Variants in POGLUT1 observed in about 807,000 individuals in gnomAD.
POGLUT1 encodes the protein protein O-glucosyltransferase 1.
In POGLUT1, 32 loss-of-function variants were observed where a neutral mutation model predicts 61.3. That is an observed-to-expected ratio of 0.52 (90% CI 0.39 to 0.70). The LOEUF (loss-of-function observed/expected upper bound fraction) is 0.70. Among genes scored for constraint, POGLUT1 ranks in the 30% least tolerant of loss-of-function variants. The probability of loss-of-function intolerance (pLI) is 0.00; values close to 1 mark genes in which losing one functional copy is unlikely to be tolerated. For missense variants in POGLUT1, 411 were observed against 469.8 expected (o/e 0.87, Z 1.16); for synonymous variants, 158 against 158.2 (o/e 1.00, Z 0.01).
chr3:119,486,161 G>A (rs193026761), intron 6 of POGLUT1, among the ~76,000 whole-genome samples: 7 of 152,284 alleles, frequency 4.6e-5, no homozygotes, highest in Admixed American at 4.6e-4. Context: ...AAATCTTGAA[G>A]TCACAAATTA....
intron 5 of POGLUT1, among the ~76,000 whole-genome samples, chr3:119,480,457 A>G (rs1202690147): frequency 6.6e-6 from 1 of 152,028 alleles, no homozygotes; most frequent in Non-Finnish European, 1.5e-5. Flanking sequence ...CATGTTGGTC[A>G]GGCTGGTCTT....
rs776542098 is a variant in POGLUT1, at chr3:119,485,377, C to T, written c.628C>T (p.Arg210Ter). The change falls in exon 6 of 11, where the codon CGA becomes TGA. Residue 210 changes from arginine (R) to a stop codon, truncating the protein, a stop_gained. Transcript: ENST00000295588. LOFTEE classifies it high-confidence loss of function. ...WKKKNSTAYF[R>*]GSRTSPERDP... The stretch of plus-strand genomic sequence containing the variant: ...AAAGAAAAACTCTACAGCATATTTC[C>T]GAGGATCAAGGTGAGTTATTTTCTG... 14 of 1,604,622 alleles carry T rather than the reference C, an allele frequency of 8.7e-6. No homozygotes were observed. The highest frequency in any genetic ancestry group is 1.7e-4 in the Middle Eastern group (1 of 6,040).
chr3:119,492,215 C>A, intron 10 of POGLUT1, 67 bp from the exon 11 acceptor site: 1 of 1,210,796 alleles, frequency 8.3e-7, no homozygotes, highest in Non-Finnish European at 1.2e-6. Context: ...GGTGAGCACT[C>A]AAATGCAGAC....
intron 4 of POGLUT1, among the ~76,000 whole-genome samples, chr3:119,478,655 C>T (rs1434949798): frequency 6.6e-6 from 1 of 152,102 alleles, no homozygotes; most frequent in Non-Finnish European, 1.5e-5. Context: ...TGTGCAGCTT[C>T]TATTGAATAG....
At chr3:119,472,985 C>T (rs866178223) in intron 3 of POGLUT1, among the ~76,000 whole-genome samples, 1 of 151,946 alleles carries the variant, frequency 6.6e-6, no homozygotes, top group African/African-American at 2.4e-5. Context: ...AAGCCTGAGC[C>T]GTGATTATGC....
chr3:119,486,780 A>G, intron 6 of POGLUT1, 53 bp from the exon 7 acceptor site: 2 of 1,224,696 alleles, frequency 1.6e-6, no homozygotes, highest in Non-Finnish European at 2.4e-6. Context: ...AGGGATTGGG[A>G]ACAGTTTTCT....
At chr3:119,492,057 A>AAAAAAAATAAAT (rs2081754591) in intron 10 of POGLUT1, among the ~76,000 whole-genome samples, 1 of 150,386 alleles carries the variant, frequency 6.6e-6, no homozygotes, top group African/African-American at 2.4e-5. Context: ...TCCGTCTCAA[A>AAAAAAAATAAAT]AAATAAATAA....
At chr3:119,476,297 G>C (rs942652264) in intron 3 of POGLUT1, among the ~76,000 whole-genome samples, 1 of 152,028 alleles carries the variant, frequency 6.6e-6, no homozygotes, top group Non-Finnish European at 1.5e-5. Flanking sequence ...CTGCACTATT[G>C]GACTTTTTGA....
At chr3:119,470,208 G>C (rs571199153) in intron 2 of POGLUT1, among the ~76,000 whole-genome samples, 1 of 152,138 alleles carries the variant, frequency 6.6e-6, no homozygotes, top group Admixed American at 6.5e-5. Context: ...GTGCGTGCTC[G>C]ATAAATATTG....
Position 119,471,388 on chromosome 3 carries a change from G to C in POGLUT1, c.256G>C (p.Gly86Arg), listed in dbSNP as rs1272985309. The part of the protein sequence containing the change: ...MMAEVVRRKL[G>R]THYQITKNRL... ...GGCAGAGGTAGTCAGACGGAAGCTA[G>C]GGACCCACTATCAGATCACTAAGAA... The change falls in exon 3 of 11, where the codon GGG becomes CGG. Residue 86 changes from glycine to arginine, a missense_variant. Gly to Arg is a moderately radical substitution (Grantham distance 125). Transcript: ENST00000295588. The C allele has an allele frequency of 1.2e-6, 2 of 1,614,030 alleles. No individual in the cohort carries two copies. Among genetic ancestry groups the C allele is most frequent in the South Asian group, 2.2e-5 (2 of 91,082 alleles).
At chr3:119,482,274 A>C (rs947939549) in intron 5 of POGLUT1, among the ~76,000 whole-genome samples, 2 of 152,210 alleles carry the variant, frequency 1.3e-5, no homozygotes, top group Non-Finnish European at 2.9e-5. Context: ...TATGCTCATA[A>C]AATTTTACAA....
intron 6 of POGLUT1, among the ~76,000 whole-genome samples, chr3:119,485,928 G>A (rs2081659160): frequency 6.6e-6 from 1 of 152,202 alleles, no homozygotes; most frequent in South Asian, 2.1e-4. Flanking sequence ...ATAGTCCCAA[G>A]GCCAAGAACA....
chr3:119,470,347 A>G (rs915727657), intron 2 of POGLUT1, among the ~76,000 whole-genome samples: 1 of 152,190 alleles, frequency 6.6e-6, no homozygotes, highest in African/African-American at 2.4e-5. Flanking sequence ...AGGCCAAGGC[A>G]GGTGGATCAC....
At chr3:119,484,372 G>A (rs2081641195) in intron 5 of POGLUT1, among the ~76,000 whole-genome samples, 1 of 152,146 alleles carries the variant, frequency 6.6e-6, no homozygotes, top group African/African-American at 2.4e-5. Context: ...CTTTTTCAGA[G>A]AAGATGCTGT....
intron 5 of POGLUT1, among the ~76,000 whole-genome samples, chr3:119,481,329 C>T (rs970652516): frequency 2.0e-5 from 3 of 152,154 alleles, no homozygotes; most frequent in African/African-American, 7.2e-5. Flanking sequence ...TTGTGTAGCT[C>T]ATCCAAGCTG....
intron 4 of POGLUT1, chr3:119,479,822 T>G: frequency 9.8e-7 from 1 of 1,019,356 alleles, no homozygotes; most frequent in Non-Finnish European, 1.4e-6. Flanking sequence ...CTGAAAAAGC[T>G]GACCTTTAAT....
chr3:119,480,740 T>C (rs868282178), intron 5 of POGLUT1, among the ~76,000 whole-genome samples: 3 of 146,738 alleles, frequency 2.0e-5, no homozygotes, highest in African/African-American at 7.4e-5. Flanking sequence ...AATTTTTCTT[T>C]CTTTTTTTTT....
In POGLUT1 at chr3:119,490,317, T is replaced by G. The variant is rs1577088268; in HGVS notation, c.798-234T>G. 19 of 521,996 alleles carry G rather than the reference T, an allele frequency of 3.6e-5. No individual in the cohort carries two copies. The South Asian group carries it at 3.7e-4, about 10-fold the overall frequency. 32.3% of individuals were successfully genotyped at this position (521,996 alleles called of 1,614,324 possible). ...TATCTAGTGCTGTCTGGAGAAAATA[T>G]CCCCTATTTTTCCTCACCCTGCCAT... is the stretch of plus-strand genomic sequence containing the variant. On this transcript the variant is annotated intron_variant, in intron 8 of 10. Coordinates refer to ENST00000295588, the MANE Select transcript of POGLUT1 (RefSeq NM_152305.3).
At chr3:119,479,832 T>C (rs1219686534) in intron 4 of POGLUT1, 3 of 1,147,102 alleles carry the variant, frequency 2.6e-6, no homozygotes, top group African/African-American at 3.1e-5. Context: ...TGACCTTTAA[T>C]GTGATTCTGA....
Sources: gnomAD v4.1 joint callset for allele counts (sites outside exome capture counted in the v4.1 genomes callset) on GRCh38, gnomAD v4.1.1 for gene constraint, MANE v1.5 for transcripts, NCBI Gene and HGNC (gene_info 2026-07-23, HGNC 2026-07-21) for gene names.